The following BNC2 variants were observed in gnomAD, a reference collection of about 807,000 sequenced individuals.
BNC2 encodes zinc finger protein basonuclin-2.
BNC2 carries 20 observed loss-of-function variants against 76.3 expected under a neutral mutation model. The observed-to-expected ratio is 0.26, with a 90% CI of 0.18 to 0.38. BNC2 has a LOEUF of 0.38. Ranked by LOEUF, BNC2 falls within the 10% of genes least tolerant of loss-of-function variation. The probability of loss-of-function intolerance (pLI) is 1.00; values close to 1 mark genes in which losing one functional copy is unlikely to be tolerated. For synonymous variants in BNC2, 582 were observed against 514.8 expected (o/e 1.13, Z -1.77); for missense variants, 1,382 against 1,399.8 (o/e 0.99, Z 0.20).
At chr9:16,808,741 A>G (rs867724789) in intron 1 of BNC2, among the ~76,000 whole-genome samples, 2 of 151,878 alleles carry the variant, frequency 1.3e-5, no homozygotes, top group South Asian at 2.1e-4. Flanking sequence ...ATAAAATAGA[A>G]AAAAATAAGA....
intron 3 of BNC2, among the ~76,000 whole-genome samples, chr9:16,650,515 G>C (rs1208553899): frequency 1.3e-5 from 2 of 151,944 alleles, no homozygotes; most frequent in African/African-American, 4.8e-5. Context: ...AAACTGCCTG[G>C]CTGTTTTCAC....
At chr9:16,801,686 G>A (rs1817783416) in intron 1 of BNC2, among the ~76,000 whole-genome samples, 1 of 150,738 alleles carries the variant, frequency 6.6e-6, no homozygotes, top group South Asian at 2.1e-4. Context: ...AGAAAGCCAT[G>A]CCAAAAGAAG....
chr9:16,589,656 G>A (rs949630037), intron 3 of BNC2, among the ~76,000 whole-genome samples: 9 of 151,732 alleles, frequency 5.9e-5, no homozygotes, highest in East Asian at 1.9e-4. Flanking sequence ...TTACATGCAC[G>A]CACCACCACA....
At chr9:16,742,499 C>T (rs1045389313) in intron 1 of BNC2, among the ~76,000 whole-genome samples, 12 of 152,134 alleles carry the variant, frequency 7.9e-5, no homozygotes, top group Admixed American at 1.3e-4. Flanking sequence ...CATCAGCAAC[C>T]GCCAGAGTCA....
intron 5 of BNC2, among the ~76,000 whole-genome samples, chr9:16,445,711 T>C (rs1349733066): frequency 6.6e-6 from 1 of 152,128 alleles, no homozygotes; most frequent in Admixed American, 6.5e-5. Context: ...GATTTCGAAA[T>C]AAAAATTCAG....
At chr9:16,494,256 G>C (rs568480524) in intron 5 of BNC2, among the ~76,000 whole-genome samples, 1 of 152,026 alleles carries the variant, frequency 6.6e-6, no homozygotes, top group East Asian at 1.9e-4. Context: ...AGATTCAAGC[G>C]ATTCTCCTGT....
At chr9:16,738,656 A>G (rs557470597) in intron 1 of BNC2, among the ~76,000 whole-genome samples, 171 bp from the exon 2 acceptor site, 1 of 152,360 alleles carries the variant, frequency 6.6e-6, no homozygotes, top group South Asian at 2.1e-4. Flanking sequence ...AGCTAAATAA[A>G]CTTTGGTGAG....
chr9:16,546,056 A>AT (rs1449663929), intron 5 of BNC2, among the ~76,000 whole-genome samples: 1 of 152,138 alleles, frequency 6.6e-6, no homozygotes. Flanking sequence ...TGCATTCCCT[A>AT]TTTTTTTAAA....
chr9:16,646,830 G>A (rs752562061), intron 3 of BNC2, among the ~76,000 whole-genome samples: 12 of 152,160 alleles, frequency 7.9e-5, no homozygotes, highest in Non-Finnish European at 1.2e-4. Flanking sequence ...AGGTCACAAA[G>A]GGTATGAGAT....
At chr9:16,728,278 A>G in intron 2 of BNC2, 1 of 500,500 alleles carries the variant, frequency 2.0e-6, no homozygotes, top group Non-Finnish European at 3.6e-6. Flanking sequence ...CAGCCACTGC[A>G]TGTCATTGGA....
intron 1 of BNC2, chr9:16,832,156 T>C: frequency 8.2e-6 from 4 of 488,288 alleles, no homozygotes; most frequent in Non-Finnish European, 1.3e-5. Flanking sequence ...CAACGGTCCA[T>C]TTAGTAGGTT....
At chr9:16,640,917 G>A (rs1821475759) in intron 3 of BNC2, among the ~76,000 whole-genome samples, 1 of 152,070 alleles carries the variant, frequency 6.6e-6, no homozygotes, top group Admixed American at 6.6e-5. Flanking sequence ...TAGAAAGAGA[G>A]GTGTCTAAGA....
chr9:16,437,027 G>A lies in BNC2; in HGVS notation c.1167C>T (p.Ser389=). Residue 389 remains serine (S), a synonymous_variant, in exon 6 of 7, where the codon AGC becomes AGT. Transcript: ENST00000380672. ...CGGTTTTGGGCTCCACATTAGTAATGCTGGTCAGGGCATTTCTATTGGGTG... is the reference window on the plus strand; with the variant it reads ...CGGTTTTGGGCTCCACATTAGTAATACTGGTCAGGGCATTTCTATTGGGTG... ...DQTPNRNALT[S]ITNVEPKTEP... is the part of the protein sequence containing the mutation. 1 of 1,614,106 alleles carries A rather than the reference G, an allele frequency of 6.2e-7. No individual in the cohort carries two copies. Among genetic ancestry groups the A allele is most frequent in the Non-Finnish European group, 8.5e-7 (1 of 1,180,024 alleles).
At chr9:16,617,974 T>A (rs554861412) in intron 3 of BNC2, among the ~76,000 whole-genome samples, 85 of 152,346 alleles carry the variant, frequency 5.6e-4, no homozygotes, top group Non-Finnish European at 8.8e-4. Flanking sequence ...CATGCTGTAC[T>A]TTCCCAGCAA....
At chr9:16,493,404 G>A (rs546603760) in intron 5 of BNC2, among the ~76,000 whole-genome samples, 1 of 152,110 alleles carries the variant, frequency 6.6e-6, no homozygotes, top group Non-Finnish European at 1.5e-5. Flanking sequence ...TTTAATTAGG[G>A]GTGGGTATGT....
intron 3 of BNC2, among the ~76,000 whole-genome samples, chr9:16,608,533 C>T (rs976902351): frequency 2.0e-5 from 3 of 151,988 alleles, no homozygotes; most frequent in African/African-American, 4.8e-5. Context: ...AAGAGATAGA[C>T]TCTTGTTGTG....
At chr9:16,662,462 G>C (rs552200976) in intron 3 of BNC2, among the ~76,000 whole-genome samples, 1 of 152,196 alleles carries the variant, frequency 6.6e-6, no homozygotes, top group Non-Finnish European at 1.5e-5. Flanking sequence ...CGGGCTGAGC[G>C]TAGTGGCTCA....
chr9:16,705,738 T>C (rs1419993666), intron 3 of BNC2, among the ~76,000 whole-genome samples: 3 of 152,182 alleles, frequency 2.0e-5, no homozygotes, highest in Non-Finnish European at 4.4e-5. Flanking sequence ...TTATTATTAA[T>C]GACAAAATGA....
At chr9:16,668,490 G>C (rs532277575) in intron 3 of BNC2, among the ~76,000 whole-genome samples, 1 of 152,304 alleles carries the variant, frequency 6.6e-6, no homozygotes, top group East Asian at 1.9e-4. Flanking sequence ...TTTCAAGTGA[G>C]AGTGGTAAAC....
Sources: gnomAD v4.1 joint callset for allele counts (sites outside exome capture counted in the v4.1 genomes callset) on GRCh38, gnomAD v4.1.1 for gene constraint, MANE v1.5 for transcripts, NCBI Gene and HGNC (gene_info 2026-07-23, HGNC 2026-07-21) for gene names.